Variants in TAB3 observed in about 807,000 individuals in gnomAD.
TAB3 encodes the protein TGF-beta-activated kinase 1 and MAP3K7-binding protein 3.
TAB3 carries 18 observed loss-of-function variants against 48.1 expected under a neutral mutation model. The ratio of observed to expected loss-of-function variants is 0.37; its 90% CI spans 0.26 to 0.55. The LOEUF is 0.55. Ranked by LOEUF, TAB3 falls within the 20% of genes least tolerant of loss-of-function variation. TAB3 has a pLI of 0.78. For synonymous variants in TAB3, 185 were observed against 190.2 expected, an observed-to-expected ratio of 0.97 and a Z score of 0.22; for missense variants, 414 against 549.8, an observed-to-expected ratio of 0.75 and a Z score of 2.47.
intron 1 of TAB3, among the ~76,000 whole-genome samples, chrX:30,879,979 T>C (rs942164118): frequency 3.6e-5 from 4 of 111,952 alleles, no homozygotes; most frequent in African/African-American, 9.7e-5. Context: ...AATAAAACTC[T>C]CAAAAGTTGT....
At chrX:30,887,366 A>G (rs1940161602) in intron 1 of TAB3, among the ~76,000 whole-genome samples, 1 of 111,919 alleles carries the variant, frequency 8.9e-6, no homozygotes, top group African/African-American at 3.3e-5. Flanking sequence ...ACGCATCTGA[A>G]AAGAAAAAAA....
At position 30,841,518 on chromosome X, in the gene TAB3, TTATAAA is replaced by T. The variant is rs781701856; in HGVS notation, c.1888+1442_1888+1447del. On this transcript the variant is annotated intron_variant, in intron 9 of 10. Transcript: ENST00000288422. ...AGAAGAACAGATACTATGTTGCAACTTATAAATAAAAAAAAAAACACTCTGTAATGA... is the reference window on the plus strand; with the variant it reads ...AGAAGAACAGATACTATGTTGCAACTTAAAAAAAAAAACACTCTGTAATGA... Among the ~76,000 whole-genome samples, 379 of 98,010 alleles carry T rather than the reference TTATAAA, an allele frequency of 3.9e-3. 2 individuals are homozygous for T. The highest frequency in any genetic ancestry group is 0.012 in the African/African-American group (359 of 28,860). The allele number at this position is 98,010 out of a possible 115,157, so 85.1% of individuals were successfully genotyped here.
At chrX:30,851,029 A>G (rs1938827057) in intron 7 of TAB3, among the ~76,000 whole-genome samples, 1 of 111,890 alleles carries the variant, frequency 8.9e-6, no homozygotes, top group African/African-American at 3.2e-5. Flanking sequence ...TATGTCCTTC[A>G]ATATCTTCCG....
chrX:30,868,368 T>TATATA (rs755452674), intron 2 of TAB3, among the ~76,000 whole-genome samples: 309 of 4,946 alleles, frequency 0.062, 101 homozygotes, highest in African/African-American at 0.26. Flanking sequence ...TATATATATA[T>TATATA]AGCTTATATA....
chrX:30,861,616 A>G (rs1939254088), intron 4 of TAB3, among the ~76,000 whole-genome samples: 1 of 111,862 alleles, frequency 8.9e-6, no homozygotes, highest in South Asian at 3.7e-4. Flanking sequence ...TGGGGTTTGA[A>G]TTATCTATCT....
At chrX:30,871,911 G>C (rs1018324747) in intron 1 of TAB3, 110 bp from the exon 2 acceptor site, 4 of 112,165 alleles carry the variant, frequency 3.6e-5, no homozygotes, top group African/African-American at 1.3e-4. Context: ...AAAGCAGGCA[G>C]CCATTTTACT....
chrX:30,838,027 C>G (rs1938291912), intron 9 of TAB3, among the ~76,000 whole-genome samples: 1 of 112,320 alleles, frequency 8.9e-6, no homozygotes, highest in African/African-American at 3.2e-5. Context: ...TTCCAGTGAT[C>G]TATTTGTTTA....
chrX:30,833,937 A>C (rs1938109677), intron 10 of TAB3, 114 bp downstream of exon 10: 3 of 639,080 alleles, frequency 4.7e-6, no homozygotes, highest in Non-Finnish European at 7.2e-6. Context: ...AGCCTTAGAA[A>C]CTCGGTAATG....
intron 7 of TAB3, among the ~76,000 whole-genome samples, chrX:30,848,159 AAG>A: frequency 8.9e-6 from 1 of 111,797 alleles, no homozygotes; most frequent in East Asian, 2.8e-4. Flanking sequence ...AGTTGGGGGC[AAG>A]AGAGATGTTT....
intron 1 of TAB3, among the ~76,000 whole-genome samples, chrX:30,886,586 T>C (rs1940136823): frequency 1.8e-5 from 2 of 112,013 alleles, no homozygotes; most frequent in Admixed American, 1.9e-4. Flanking sequence ...ACAGGACTAC[T>C]TAACTGAAGG....
chrX:30,840,560 G>C (rs1181141700), intron 9 of TAB3, among the ~76,000 whole-genome samples: 8 of 111,101 alleles, frequency 7.2e-5, no homozygotes, highest in Admixed American at 1.9e-4. Flanking sequence ...TATTGTGGGA[G>C]GGGCCTGGTG....
intron 4 of TAB3, among the ~76,000 whole-genome samples, chrX:30,863,315 T>C (rs777116102): frequency 8.9e-6 from 1 of 112,496 alleles, no homozygotes; most frequent in South Asian, 3.7e-4. Context: ...TTAAAATACT[T>C]TAAAAAAGCA....
At chrX:30,833,267 C>A (rs992029109) in intron 10 of TAB3, among the ~76,000 whole-genome samples, 1 of 110,164 alleles carries the variant, frequency 9.1e-6, no homozygotes, top group African/African-American at 3.3e-5. Flanking sequence ...CCGCACCCGG[C>A]CTACTATGCC....
intron 1 of TAB3, among the ~76,000 whole-genome samples, chrX:30,872,142 G>A (rs1302362935): frequency 9.0e-6 from 1 of 111,503 alleles, no homozygotes; most frequent in Admixed American, 9.5e-5. Flanking sequence ...AGGAGTCCCT[G>A]CAGCTTCCCA....
intron 1 of TAB3, among the ~76,000 whole-genome samples, chrX:30,878,383 C>G (rs1166376165): frequency 3.7e-5 from 4 of 108,964 alleles, no homozygotes. Context: ...GCCTGTAGCC[C>G]CAGTTACATG....
chrX:30,833,787 C>A (rs1332917331), intron 10 of TAB3, among the ~76,000 whole-genome samples: 2 of 99,215 alleles, frequency 2.0e-5, no homozygotes, highest in East Asian at 6.3e-4. Flanking sequence ...GCCGGGATAG[C>A]GCCACTGCAC....
chrX:30,876,971 G>A (rs1035287000), intron 1 of TAB3, among the ~76,000 whole-genome samples: 1 of 111,186 alleles, frequency 9.0e-6, no homozygotes, highest in African/African-American at 3.3e-5. Flanking sequence ...ACAGAATGGG[G>A]CAGAGGCAAT....
chrX:30,873,263 C>T (rs906441222), intron 1 of TAB3, among the ~76,000 whole-genome samples: 1 of 111,391 alleles, frequency 9.0e-6, no homozygotes, highest in Non-Finnish European at 1.9e-5. Flanking sequence ...TACGGCCGGG[C>T]GCGGTGGCTC....
At chrX:30,838,705 A>G (rs1938317500) in intron 9 of TAB3, among the ~76,000 whole-genome samples, 1 of 111,976 alleles carries the variant, frequency 8.9e-6, no homozygotes, top group South Asian at 3.6e-4. Flanking sequence ...ATCTTTTGAC[A>G]ATGTTTTATA....
Sources: gnomAD v4.1 joint callset for allele counts (sites outside exome capture counted in the v4.1 genomes callset) on GRCh38, gnomAD v4.1.1 for gene constraint, MANE v1.5 for transcripts, NCBI Gene and HGNC (gene_info 2026-07-23, HGNC 2026-07-21) for gene names.